Variants in MRPL49 observed in about 807,000 individuals in gnomAD.
The protein encoded by MRPL49 is large ribosomal subunit protein mL49.
In MRPL49, 14 loss-of-function variants were observed where a neutral mutation model predicts 18.4. The observed-to-expected ratio is 0.76, with a 90% CI of 0.50 to 1.19. The LOEUF is 1.19. MRPL49 is among the 50% of genes most tolerant of loss of function. The pLI is 0.00. For missense variants in MRPL49, 190 were observed against 217.8 expected (o/e 0.87, Z 0.80); for synonymous variants, 104 against 86.2 (o/e 1.21, Z -1.14).
intron 1 of MRPL49, among the ~76,000 whole-genome samples, chr11:65,122,841 T>C (rs1948066298): frequency 6.7e-6 from 1 of 150,370 alleles, no homozygotes. Flanking sequence ...TGCCTCAGCC[T>C]CCCGAGTAGC....
Position 65,126,159 on chromosome 11 carries a change from G to A in MRPL49, c.*287G>A, listed in dbSNP as rs952435898. The A allele has an allele frequency of 1.7e-5, 5 of 294,566 alleles. No homozygotes were observed. The highest frequency in any genetic ancestry group is 9.8e-5 in the Admixed American group (2 of 20,422). The allele number at this position is 294,566 out of a possible 1,614,324, so 18.2% of individuals were successfully genotyped here. Reference sequence around the variant, plus strand: ...CCTGTTCTTTTTTGTTTTTTGAGACGGAGTCTCACTCTGTTGCCCAGGGTG... The same window carrying A: ...CCTGTTCTTTTTTGTTTTTTGAGACAGAGTCTCACTCTGTTGCCCAGGGTG... On this transcript the variant is annotated 3_prime_UTR_variant, in exon 4 of 4. Transcript: ENST00000279242.
rs562412183 is a variant in MRPL49 at position 65,122,336 on chromosome 11, A to G, written c.-11A>G. 6.2e-7 allele frequency: 1 copy of G among 1,611,256 alleles called. No homozygotes were observed. The highest frequency in any genetic ancestry group is 8.5e-7 in the Non-Finnish European group (1 of 1,179,070). ...AGTTGCGCGCACAGAAGGCTGGCGT[A>G]GCAGGTAAAGATGGCAGCTACCATG... On this transcript the variant is annotated 5_prime_UTR_variant, in exon 1 of 4. Transcript: ENST00000279242.
intron 1 of MRPL49, among the ~76,000 whole-genome samples, chr11:65,123,396 T>C (rs1462620276): frequency 6.6e-6 from 1 of 152,220 alleles, no homozygotes; most frequent in Non-Finnish European, 1.5e-5. Flanking sequence ...GGAATGGGTA[T>C]AGACTATGTG....
Position 65,126,052 on chromosome 11 carries a change from G to T in MRPL49, c.*180G>T, listed in dbSNP as rs914725282. The T allele has an allele frequency of 4.9e-5, 32 of 647,406 alleles. No homozygotes were observed. The highest frequency in any genetic ancestry group is 8.0e-5 in the Non-Finnish European group (32 of 398,584). 40.1% of individuals were successfully genotyped at this position (647,406 alleles called of 1,614,324 possible). On this transcript the variant is annotated 3_prime_UTR_variant, in exon 4 of 4. Transcript: ENST00000279242. ...AAACAACTCTATGTACATGCTGGGG[G>T]AGAGTGCCTAATGTGGGAGACCAAA...
At position 65,125,708 on chromosome 11, in the gene MRPL49, T is replaced by C. The variant is rs1948093871; in HGVS notation, c.355-18T>C. 1 of 1,613,278 alleles carries C rather than the reference T, an allele frequency of 6.2e-7. No individual in the cohort carries two copies. Among genetic ancestry groups the C allele is most frequent in the Non-Finnish European group, 8.5e-7 (1 of 1,179,560 alleles). Reference sequence around the variant, plus strand: ...GGAAGGGACTCTTGGCCTGACCTGATTTGTCATCTTTCCCCAGGCCCTGCA... The same window carrying C: ...GGAAGGGACTCTTGGCCTGACCTGACTTGTCATCTTTCCCCAGGCCCTGCA... On this transcript the variant is annotated intron_variant, in intron 3 of 3. Transcript: ENST00000279242.
At chr11:65,125,216 G>A (rs1237616702) in intron 2 of MRPL49, 8 of 472,628 alleles carry the variant, frequency 1.7e-5, no homozygotes, top group South Asian at 2.6e-5. Flanking sequence ...CCTAGAGGGG[G>A]ACCCAAAGAT....
chr11:65,124,717 G>A, intron 2 of MRPL49, 65 bp downstream of exon 2: 5 of 1,565,480 alleles, frequency 3.2e-6, no homozygotes, highest in South Asian at 1.2e-5. Context: ...CCAGAGGTTG[G>A]CCTCCCCCAT....
chr11:65,122,308 GA>G, upstream of MRPL49: 1 of 1,604,246 alleles, frequency 6.2e-7, no homozygotes, highest in South Asian at 1.1e-5. Flanking sequence ...GGCGGGACCA[GA>G]CAGTTGCGCG....
intron 1 of MRPL49, 152 bp from the exon 2 acceptor site, chr11:65,124,350 C>T: frequency 1.3e-6 from 1 of 763,120 alleles, no homozygotes; most frequent in Non-Finnish European, 2.1e-6. Context: ...GTGACTCACT[C>T]CATTTTGATT....
In MRPL49 at chr11:65,126,030, C is replaced by A. The variant is rs1948097799; in HGVS notation, c.*158C>A. The A allele has an allele frequency of 5.7e-5, 45 of 784,302 alleles. 1 individual carries two copies. In the South Asian group the frequency reaches 8.7e-4, roughly 15 times the overall value. The allele number at this position is 784,302 out of a possible 1,614,324, so 48.6% of individuals were successfully genotyped here. A position where few individuals can be genotyped will look rare whatever the true frequency, so the allele number is the denominator to read the frequency against. Reference sequence around the variant, plus strand: ...GGCCTTGCTTGCATAAAGGAGAAAACAACTCTATGTACATGCTGGGGGAGA... The same window carrying A: ...GGCCTTGCTTGCATAAAGGAGAAAAAAACTCTATGTACATGCTGGGGGAGA... On this transcript the variant is annotated 3_prime_UTR_variant, in exon 4 of 4. Transcript: ENST00000279242.
In MRPL49 at chr11:65,127,039, A is replaced by G. The variant is rs142025613; in HGVS notation, c.*1167A>G. ...CCCCAAACTGGCTAAGACAGCTTTCAGTTCCTGACTCCCCAACTTGGTCTC... is the reference window on the plus strand; with the variant it reads ...CCCCAAACTGGCTAAGACAGCTTTCGGTTCCTGACTCCCCAACTTGGTCTC... On this transcript the variant is annotated 3_prime_UTR_variant, in exon 4 of 4. Transcript: ENST00000279242. 406 of 702,388 alleles carry G rather than the reference A, an allele frequency of 5.8e-4. 5 individuals are homozygous for G. The African/African-American group carries it at 5.9e-3, about 10-fold the overall frequency. 43.5% of individuals were successfully genotyped at this position (702,388 alleles called of 1,614,324 possible).
chr11:65,122,393 G>C lies in MRPL49; in HGVS notation c.47G>C (p.Gly16Ala). The part of the protein sequence containing the change: ...FRATLRGWRT[G>A]VQRGCGLRLL... ...GCTACGCTGCGGGGATGGAGAACCG[G>C]TGTCCAGCGGGGCTGCGGGCTACGG... The change falls in exon 1 of 4, where the codon GGT becomes GCT. Residue 16 changes from glycine to alanine, a missense_variant. Transcript: ENST00000279242. The C allele has an allele frequency of 6.2e-7, 1 of 1,613,380 alleles. No individual in the cohort carries two copies. The highest frequency in any genetic ancestry group is 8.5e-7 in the Non-Finnish European group (1 of 1,179,750).
chr11:65,123,682 C>T (rs941730843), intron 1 of MRPL49, among the ~76,000 whole-genome samples: 6 of 151,004 alleles, frequency 4.0e-5, no homozygotes, highest in African/African-American at 1.2e-4. Flanking sequence ...TGCAGTGAGC[C>T]GAGATCACAC....
rs564410027 is a variant in MRPL49, at chr11:65,126,670, G to A, written c.*798G>A. On this transcript the variant is annotated 3_prime_UTR_variant, in exon 4 of 4. Transcript: ENST00000279242. ...GAGAACACAGATGACTCGGGCATGG[G>A]TCTTGGAGATCTTCTGTTCAAAGTA... 1.7e-4 allele frequency: 51 copies of A among 299,574 alleles called. No individual in the cohort carries two copies. Among genetic ancestry groups the A allele is most frequent in the African/African-American group, 1.1e-3 (51 of 46,570 alleles). 18.6% of individuals were successfully genotyped at this position (299,574 alleles called of 1,614,324 possible). A position where few individuals can be genotyped will look rare whatever the true frequency, so the allele number is the denominator to read the frequency against.
At chr11:65,122,290 C>T, upstream of MRPL49, 1 of 1,585,508 alleles carries the variant, frequency 6.3e-7, no homozygotes, top group Admixed American at 1.7e-5. Context: ...GCAGCTCGCG[C>T]AGGACGGGGC....
intron 1 of MRPL49, among the ~76,000 whole-genome samples, chr11:65,123,085 G>C (rs536886042): frequency 6.6e-6 from 1 of 152,166 alleles, no homozygotes; most frequent in African/African-American, 2.4e-5. Context: ...GATGTGATTA[G>C]GTTAGCAAGG....
Position 65,126,021 on chromosome 11 carries a change from A to T in MRPL49, c.*149A>T. Reference sequence around the variant, plus strand: ...TTGGGGTCAGGCCTTGCTTGCATAAAGGAGAAAACAACTCTATGTACATGC... The same window carrying T: ...TTGGGGTCAGGCCTTGCTTGCATAATGGAGAAAACAACTCTATGTACATGC... On this transcript the variant is annotated 3_prime_UTR_variant, in exon 4 of 4. Coordinates refer to ENST00000279242, the MANE Select transcript of MRPL49 (RefSeq NM_004927.4). The T allele has an allele frequency of 1.1e-6, 1 of 869,828 alleles. No homozygotes were observed. The highest frequency in any genetic ancestry group is 2.7e-5 in the East Asian group (1 of 36,408). The allele number at this position is 869,828 out of a possible 1,614,324, so 53.9% of individuals were successfully genotyped here.
Position 65,126,996 on chromosome 11 carries a change from C to G in MRPL49, c.*1124C>G, listed in dbSNP as rs1337368063. 1 of 688,014 alleles carries G rather than the reference C, an allele frequency of 1.5e-6. No individual in the cohort carries two copies. The highest frequency in any genetic ancestry group is 2.1e-5 in the Admixed American group (1 of 46,758). 42.6% of individuals were successfully genotyped at this position (688,014 alleles called of 1,614,324 possible). ...TACTTGGAGTCACAGGGGCCAAAGG[C>G]CTGAGACCCCACCCTGCCCCCAAAC... On this transcript the variant is annotated 3_prime_UTR_variant, in exon 4 of 4. Transcript: ENST00000279242.
Position 65,126,237 on chromosome 11 carries a change from G to A in MRPL49, c.*365G>A. The A allele has an allele frequency of 6.0e-6, 1 of 165,934 alleles. No individual in the cohort carries two copies. The highest frequency in any genetic ancestry group is 1.3e-5 in the Non-Finnish European group (1 of 77,352). The allele number at this position is 165,934 out of a possible 1,614,324, so 10.3% of individuals were successfully genotyped here. On this transcript the variant is annotated 3_prime_UTR_variant, in exon 4 of 4. Transcript: ENST00000279242. ...TGCAACTTCCACCTCTGGGATCAAG[G>A]GATTCTCCTGCCTCAGCCTCTTGAG...
Sources: allele counts gnomAD v4.1 joint callset (sites outside exome capture counted in the v4.1 genomes callset), GRCh38; gene constraint gnomAD v4.1.1; transcripts MANE v1.5; gene names NCBI Gene and HGNC (gene_info 2026-07-23, HGNC 2026-07-21).